The following NALCN variants were observed in gnomAD, a reference collection of about 807,000 sequenced individuals.
NALCN encodes the protein sodium leak channel NALCN.
Under a neutral mutation model 225.3 loss-of-function variants are expected in NALCN, and 111 were observed. The observed-to-expected ratio is 0.49, with a 90% CI of 0.42 to 0.58. The LOEUF is 0.58. Ranked by LOEUF, NALCN falls within the 20% of genes least tolerant of loss-of-function variation. The probability of loss-of-function intolerance (pLI) is 0.00; values close to 1 mark genes in which losing one functional copy is unlikely to be tolerated. For missense variants in NALCN, 1,378 were observed against 2,202.4 expected, an observed-to-expected ratio of 0.63 and a Z score of 7.49; for synonymous variants, 764 against 769.0, an observed-to-expected ratio of 0.99 and a Z score of 0.11.
intron 7 of NALCN, among the ~76,000 whole-genome samples, chr13:101,311,987 T>C (rs904428968): frequency 6.6e-6 from 1 of 151,236 alleles, no homozygotes; most frequent in African/African-American, 2.4e-5. Context: ...ATCCATCTGG[T>C]CCCGGACTTT....
chr13:101,236,242 T>C (rs2041549132), intron 12 of NALCN, among the ~76,000 whole-genome samples: 2 of 152,080 alleles, frequency 1.3e-5, no homozygotes, highest in South Asian at 4.1e-4. Context: ...AGAATGGCAA[T>C]CATTAAAAAG....
At chr13:101,318,371 C>T (rs2044630763) in intron 7 of NALCN, among the ~76,000 whole-genome samples, 1 of 152,170 alleles carries the variant, frequency 6.6e-6, no homozygotes, top group African/African-American at 2.4e-5. Flanking sequence ...GCGCCGGCTC[C>T]CTGCTGTGGC....
intron 13 of NALCN, among the ~76,000 whole-genome samples, chr13:101,207,454 T>C (rs969864663): frequency 4.6e-5 from 7 of 152,356 alleles, no homozygotes; most frequent in African/African-American, 1.7e-4. Context: ...TAGGTGGCCT[T>C]TGACTATCCA....
At chr13:101,253,650 G>A (rs2042128059) in intron 11 of NALCN, among the ~76,000 whole-genome samples, 2 of 152,120 alleles carry the variant, frequency 1.3e-5, no homozygotes, top group South Asian at 2.1e-4. Flanking sequence ...TTATTTATTT[G>A]TATTTTAAAT....
intron 9 of NALCN, among the ~76,000 whole-genome samples, chr13:101,287,045 T>C (rs1408888951): frequency 2.6e-5 from 4 of 152,198 alleles, no homozygotes; most frequent in African/African-American, 9.6e-5. Flanking sequence ...TGCTAGAGAC[T>C]AAGATTGTTT....
rs368720362 is a variant in NALCN at position 101,074,668 on chromosome 13, G to T, written c.3955-6C>A. 1 of 1,598,696 alleles carries T rather than the reference G, an allele frequency of 6.3e-7. No homozygotes were observed. The highest frequency in any genetic ancestry group is 8.5e-7 in the Non-Finnish European group (1 of 1,175,270). ...AGGAGCATCTTTAGCGTTACCTGGG[G>T]ACCAGGGGTGGGAAGCGGGGAGACA... On this transcript the variant is annotated splice_region_variant and splice_polypyrimidine_tract_variant and intron_variant, in intron 35 of 43. Coordinates refer to ENST00000251127, the MANE Select transcript of NALCN (RefSeq NM_052867.4).
intron 10 of NALCN, among the ~76,000 whole-genome samples, chr13:101,275,106 C>G (rs1418983426): frequency 6.6e-6 from 1 of 152,168 alleles, no homozygotes; most frequent in Non-Finnish European, 1.5e-5. Context: ...TGCTCCCGGC[C>G]ACGCCTCCTG....
intron 18 of NALCN, among the ~76,000 whole-genome samples, chr13:101,114,498 A>C (rs1194070195): frequency 6.6e-6 from 1 of 151,508 alleles, no homozygotes; most frequent in Admixed American, 6.6e-5. Flanking sequence ...TGGTGAAGCA[A>C]GCTGCATATT....
chr13:101,206,856 T>A lies in NALCN; in HGVS notation c.1627-14802A>T, dbSNP rs552093199. On this transcript the variant is annotated intron_variant, in intron 13 of 43. Coordinates refer to ENST00000251127, the MANE Select transcript of NALCN (RefSeq NM_052867.4). ...TCAAAATTGAATTCAGCTGCAAATA[T>A]AGTTTGGTAAAATTTTTAAAAATAT... Among the ~76,000 whole-genome samples, 28 of 152,004 alleles carry A rather than the reference T, an allele frequency of 1.8e-4. No individual in the cohort carries two copies. In the South Asian group the frequency reaches 4.3e-3, roughly 24 times the overall value.
At chr13:101,327,392 A>G (rs371559914) in intron 7 of NALCN, among the ~76,000 whole-genome samples, 2 of 136,064 alleles carry the variant, frequency 1.5e-5, no homozygotes, top group Admixed American at 7.3e-5. Context: ...ATTGGGGGGG[A>G]TGATATTTAG....
At chr13:101,255,314 C>T (rs1371850563) in intron 11 of NALCN, among the ~76,000 whole-genome samples, 4 of 152,184 alleles carry the variant, frequency 2.6e-5, no homozygotes, top group Admixed American at 2.0e-4. Flanking sequence ...CATACATAAA[C>T]ACATTAGGAA....
chr13:101,107,167 CT>C (rs1243593128), intron 22 of NALCN, among the ~76,000 whole-genome samples: 2 of 152,210 alleles, frequency 1.3e-5, no homozygotes, highest in African/African-American at 2.4e-5. Context: ...GTCCTTTAGT[CT>C]CCTTTTGTCT....
intron 15 of NALCN, among the ~76,000 whole-genome samples, chr13:101,152,486 G>T (rs2139829116): frequency 6.6e-6 from 1 of 152,072 alleles, no homozygotes. Context: ...CAACCCTTAA[G>T]ATCTTACAAG....
rs753283222 is a variant in NALCN, at chr13:101,111,139, G to C, written c.2280C>G (p.Ile760Met). ...CAAGTATTTACCTGCGCTCTTGGCG[G>C]ATATGATGCTGCACGCTGAGGATTG... Reference protein sequence around the residue: ...ERSILSVQHHIRQERRSLRHG... With the variant: ...ERSILSVQHHMRQERRSLRHG... Residue 760 changes from isoleucine (I) to methionine (M), a missense_variant, in exon 19 of 44, where the codon ATC (isoleucine) becomes ATG (methionine). Ile to Met is a conservative substitution (Grantham distance 10, BLOSUM62 1). Coordinates refer to ENST00000251127, the MANE Select transcript of NALCN (RefSeq NM_052867.4). 8.7e-6 allele frequency: 14 copies of C among 1,606,390 alleles called. No individual in the cohort carries two copies. Among genetic ancestry groups the C allele is most frequent in the African/African-American group, 1.3e-5 (1 of 74,800 alleles).
chr13:101,324,369 A>G (rs1426625140), intron 7 of NALCN, among the ~76,000 whole-genome samples: 3 of 152,228 alleles, frequency 2.0e-5, no homozygotes, highest in Non-Finnish European at 4.4e-5. Flanking sequence ...TTGTAACACC[A>G]GAATTTAAAA....
chr13:101,166,298 T>C lies in NALCN; in HGVS notation c.1839+10002A>G, dbSNP rs1386390792. 3.3e-5 allele frequency among the ~76,000 whole-genome samples: 5 copies of C among 152,312 alleles called. No homozygotes were observed. In the South Asian group the frequency reaches 8.3e-4, roughly 25 times the overall value. On this transcript the variant is annotated intron_variant, in intron 15 of 43. Coordinates refer to ENST00000251127, the MANE Select transcript of NALCN (RefSeq NM_052867.4). ...ATTTTATCATATGATCATGCTACTT[T>C]TAATTTTTTGAGGAACTGCCATACT... is the stretch of plus-strand genomic sequence containing the variant.
intron 7 of NALCN, among the ~76,000 whole-genome samples, chr13:101,313,946 T>C (rs1477187152): frequency 6.6e-6 from 1 of 151,594 alleles, no homozygotes; most frequent in Non-Finnish European, 1.5e-5. Context: ...ATTAGGAAAA[T>C]GTGGCACATA....
chr13:101,173,427 C>T (rs9518329), intron 15 of NALCN, among the ~76,000 whole-genome samples: 37,936 of 152,012 alleles, frequency 0.25, 5,447 homozygotes, highest in Non-Finnish European at 0.33. Context: ...ATTCTAGCTC[C>T]GACATTTGTT....
At chr13:101,205,942 C>G (rs1478241960) in intron 13 of NALCN, among the ~76,000 whole-genome samples, 1 of 152,068 alleles carries the variant, frequency 6.6e-6, no homozygotes, top group African/African-American at 2.4e-5. Flanking sequence ...GGAAATTTCA[C>G]TATGTTCTCG....
Sources: allele counts gnomAD v4.1 joint callset (sites outside exome capture counted in the v4.1 genomes callset), GRCh38; gene constraint gnomAD v4.1.1; transcripts MANE v1.5; gene names NCBI Gene and HGNC (gene_info 2026-07-23, HGNC 2026-07-21).